Variants in PNPLA8 observed in about 807,000 individuals in gnomAD.
PNPLA8 encodes the protein patatin like domain 8, phospholipase A2.
In PNPLA8, 39 loss-of-function variants were observed where a neutral mutation model predicts 76.9. That is an observed-to-expected ratio of 0.51 (90% CI 0.39 to 0.66). The LOEUF is 0.66. Among genes scored for constraint, PNPLA8 ranks in the 30% least tolerant of loss-of-function variants. PNPLA8 has a pLI of 0.00. For missense variants in PNPLA8, 887 were observed against 918.0 expected, an observed-to-expected ratio of 0.97 and a Z score of 0.44; for synonymous variants, 301 against 307.9, an observed-to-expected ratio of 0.98 and a Z score of 0.24.
chr7:108,472,103 A>C lies in PNPLA8; in HGVS notation c.*298T>G, dbSNP rs887037155. ...CGGTTTCTTGTTCGGCACATATATT[A>C]ATATATTTTCAAACATCAAACAATA... On this transcript the variant is annotated 3_prime_UTR_variant, in exon 11 of 11. Coordinates refer to ENST00000257694, the MANE Select transcript of PNPLA8 (RefSeq NM_001256007.3). 4 of 199,264 alleles carry C rather than the reference A, an allele frequency of 2.0e-5. No homozygotes were observed. The highest frequency in any genetic ancestry group is 4.6e-5 in the African/African-American group (2 of 43,134). The allele number at this position is 199,264 out of a possible 1,614,324, so 12.3% of individuals were successfully genotyped here.
intron 4 of PNPLA8, among the ~76,000 whole-genome samples, chr7:108,506,190 C>A (rs28883731): frequency 6.6e-5 from 10 of 152,192 alleles, no homozygotes; most frequent in Non-Finnish European, 1.3e-4. Flanking sequence ...CCAGCCTGAC[C>A]AACAGGGTGA....
intron 10 of PNPLA8, among the ~76,000 whole-genome samples, chr7:108,474,279 T>C (rs117967960): frequency 6.6e-6 from 1 of 152,268 alleles, no homozygotes; most frequent in East Asian, 1.9e-4. Context: ...CTTCTATATG[T>C]TTTATAGTTT....
Position 108,514,813 on chromosome 7 carries a change from T to A in PNPLA8, c.679A>T (p.Asn227Tyr). Residue 227 changes from asparagine (N) to tyrosine (Y), a missense_variant, in exon 3 of 11, where the codon AAT (asparagine) becomes TAT (tyrosine). Coordinates refer to ENST00000257694, the MANE Select transcript of PNPLA8 (RefSeq NM_001256007.3). ...TCTGATTTGTCCCGGAAATGTTCATTTTCCTTTTGTTGAGACATTTTTTCC... is the reference window on the plus strand; with the variant it reads ...TCTGATTTGTCCCGGAAATGTTCATATTCCTTTTGTTGAGACATTTTTTCC... ...RKEKMSQQKE[N>Y]EHFRDKSELE... is the part of the protein sequence containing the mutation. The A allele has an allele frequency of 6.2e-7, 1 of 1,613,510 alleles. No homozygotes were observed. The highest frequency in any genetic ancestry group is 1.3e-5 in the African/African-American group (1 of 75,030).
chr7:108,488,008 T>C lies in PNPLA8; in HGVS notation c.1684-55A>G, dbSNP rs565461120. 1.2e-4 allele frequency: 130 copies of C among 1,082,854 alleles called. 3 individuals are homozygous for C. In the South Asian group the frequency reaches 1.8e-3, roughly 15 times the overall value. The allele number at this position is 1,082,854 out of a possible 1,614,324, so 67.1% of individuals were successfully genotyped here. A position where few individuals can be genotyped will look rare whatever the true frequency, so the allele number is the denominator to read the frequency against. The stretch of plus-strand genomic sequence containing the variant: ...CATTAACAGTAATATATTTGGGATC[T>C]GTAAAAATTAAATACTATTTAGTAG... On this transcript the variant is annotated intron_variant, in intron 8 of 10. Coordinates refer to ENST00000257694, the MANE Select transcript of PNPLA8 (RefSeq NM_001256007.3).
At chr7:108,497,772 T>TA (rs11428470) in intron 5 of PNPLA8, among the ~76,000 whole-genome samples, 195 bp from the exon 6 acceptor site, 20,503 of 151,942 alleles carry the variant, frequency 0.13, 1,590 homozygotes, top group Middle Eastern at 0.22. Context: ...ATCTAAATGA[T>TA]AAAAAAACCT....
chr7:108,514,030 A>G, intron 4 of PNPLA8, 114 bp downstream of exon 4: 2 of 724,140 alleles, frequency 2.8e-6, no homozygotes, highest in Non-Finnish European at 4.7e-6. Flanking sequence ...TCACATGTAT[A>G]ATAAAAACCA....
At position 108,492,980 on chromosome 7, in the gene PNPLA8, A is replaced by G. The variant is rs149012496; in HGVS notation, c.1626-1513T>C. On this transcript the variant is annotated intron_variant, in intron 7 of 10. Coordinates refer to ENST00000257694, the MANE Select transcript of PNPLA8 (RefSeq NM_001256007.3). Reference sequence around the variant, plus strand: ...ACTCTGAAACCACAATGATGAGACGAAGCTTGGGTGAGAATGACCAGGTGG... The same window carrying G: ...ACTCTGAAACCACAATGATGAGACGGAGCTTGGGTGAGAATGACCAGGTGG... Among the ~76,000 whole-genome samples, 26 of 152,310 alleles carry G rather than the reference A, an allele frequency of 1.7e-4. No homozygotes were observed. In the East Asian group the frequency reaches 5.0e-3, roughly 29 times the overall value.
At chr7:108,516,291 G>C (rs749982750) in intron 2 of PNPLA8, among the ~76,000 whole-genome samples, 1 of 152,168 alleles carries the variant, frequency 6.6e-6, no homozygotes. Context: ...GAACAGAATA[G>C]AGAGTCCAGA....
intron 8 of PNPLA8, among the ~76,000 whole-genome samples, chr7:108,491,198 T>C (rs1861140910): frequency 6.6e-6 from 1 of 152,062 alleles, no homozygotes; most frequent in South Asian, 2.1e-4. Flanking sequence ...TCCCAGCTAC[T>C]TGGGAGGCTG....
rs568141753 is a variant in PNPLA8 at position 108,496,156 on chromosome 7, G to A, written c.1625+428C>T. Among the ~76,000 whole-genome samples the A allele has an allele frequency of 2.0e-4, 30 of 152,246 alleles. No homozygotes were observed. The South Asian group carries it at 6.0e-3, about 31-fold the overall frequency. On this transcript the variant is annotated intron_variant, in intron 7 of 10. Coordinates refer to ENST00000257694, the MANE Select transcript of PNPLA8 (RefSeq NM_001256007.3). Reference sequence around the variant, plus strand: ...AGGCTGACGTGGGAGGATCACTTGAGCCTGGGAAGTTGAGGCTGCAGTGAG... The same window carrying A: ...AGGCTGACGTGGGAGGATCACTTGAACCTGGGAAGTTGAGGCTGCAGTGAG...
intron 9 of PNPLA8, among the ~76,000 whole-genome samples, chr7:108,482,999 C>A (rs1450820279): frequency 1.3e-5 from 2 of 152,168 alleles, no homozygotes; most frequent in African/African-American, 4.8e-5. Flanking sequence ...CACTCTTCAT[C>A]TTTTCACAAA....
At chr7:108,513,110 G>A (rs1863056512) in intron 4 of PNPLA8, among the ~76,000 whole-genome samples, 1 of 152,138 alleles carries the variant, frequency 6.6e-6, no homozygotes, top group South Asian at 2.1e-4. Flanking sequence ...ATAAATTTCT[G>A]TTGTTTATAA....
intron 9 of PNPLA8, among the ~76,000 whole-genome samples, chr7:108,479,977 G>T (rs1192699571): frequency 6.6e-6 from 1 of 152,126 alleles, no homozygotes; most frequent in East Asian, 1.9e-4. Context: ...ATGTAGTAGA[G>T]TAAAAGTAGA....
chr7:108,512,691 T>C (rs920923489), intron 4 of PNPLA8, among the ~76,000 whole-genome samples: 1 of 152,168 alleles, frequency 6.6e-6, no homozygotes, highest in African/African-American at 2.4e-5. Flanking sequence ...TGCTGACACG[T>C]TATATGCAAT....
upstream of PNPLA8, among the ~76,000 whole-genome samples, chr7:108,527,065 C>T (rs1375371275): frequency 6.6e-6 from 1 of 152,172 alleles, no homozygotes; most frequent in East Asian, 1.9e-4. Context: ...AGTGACCTTG[C>T]AATTACGTTG....
chr7:108,472,253 C>T lies in PNPLA8; in HGVS notation c.*148G>A. Reference sequence around the variant, plus strand: ...AACCAAGAATATTCTCTGTGCTATGCAAGCTGGTTGAAGCACCGTCTTTTT... The same window carrying T: ...AACCAAGAATATTCTCTGTGCTATGTAAGCTGGTTGAAGCACCGTCTTTTT... On this transcript the variant is annotated 3_prime_UTR_variant, in exon 11 of 11. Coordinates refer to ENST00000257694, the MANE Select transcript of PNPLA8 (RefSeq NM_001256007.3). 1.7e-6 allele frequency: 1 copy of T among 587,836 alleles called. No homozygotes were observed. Among genetic ancestry groups the T allele is most frequent in the Non-Finnish European group, 3.0e-6 (1 of 330,006 alleles). The allele number at this position is 587,836 out of a possible 1,614,324, so 36.4% of individuals were successfully genotyped here.
At position 108,487,692 on chromosome 7, in the gene PNPLA8, A is replaced by G. The variant is rs1260187840; in HGVS notation, c.1878+67T>C. 4.3e-6 allele frequency: 4 copies of G among 940,904 alleles called. No individual in the cohort carries two copies. In the African/African-American group the frequency reaches 6.7e-5, roughly 16 times the overall value. The allele number at this position is 940,904 out of a possible 1,614,324, so 58.3% of individuals were successfully genotyped here. A position where few individuals can be genotyped will look rare whatever the true frequency, so the allele number is the denominator to read the frequency against. ...GTTGATCCTTCTGAAGATCAATGAC[A>G]TTTAATAAGTGCTGATTCTTTTAAT... On this transcript the variant is annotated intron_variant, in intron 9 of 10. Transcript: ENST00000257694.
intron 1 of PNPLA8, among the ~76,000 whole-genome samples, chr7:108,524,811 C>A (rs1863970535): frequency 6.6e-6 from 1 of 152,020 alleles, no homozygotes; most frequent in South Asian, 2.1e-4. Context: ...CCAACAACAA[C>A]AAAAAATGGC....
upstream of PNPLA8, chr7:108,526,355 C>T (rs112279025): frequency 7.8e-5 from 1 of 12,898 alleles, no homozygotes; most frequent in Non-Finnish European, 1.5e-4. Flanking sequence ...GACGTGTGTG[C>T]GTGCGTGCGT....
Sources: allele counts gnomAD v4.1 joint callset (sites outside exome capture counted in the v4.1 genomes callset), GRCh38; gene constraint gnomAD v4.1.1; transcripts MANE v1.5; gene names NCBI Gene and HGNC (gene_info 2026-07-23, HGNC 2026-07-21).